Variants in NRG3 observed in about 807,000 individuals in gnomAD.
NRG3 encodes the protein neuregulin 3, also known as pro-neuregulin-3, membrane-bound isoform.
NRG3 carries 31 observed loss-of-function variants against 66.9 expected under a neutral mutation model. That is an observed-to-expected ratio of 0.46 (90% CI 0.35 to 0.63). The LOEUF (loss-of-function observed/expected upper bound fraction) is 0.63, where lower values mean the gene tolerates loss of function less well. NRG3 is among the 20% of genes least tolerant of loss of function. NRG3 has a pLI of 0.00. For synonymous variants in NRG3, 393 were observed against 359.4 expected, an observed-to-expected ratio of 1.09 and a Z score of -1.06; for missense variants, 910 against 878.9, an observed-to-expected ratio of 1.04 and a Z score of -0.45.
intron 2 of NRG3, among the ~76,000 whole-genome samples, chr10:82,490,312 A>G (rs1457003778): frequency 1.3e-5 from 2 of 152,144 alleles, no homozygotes; most frequent in African/African-American, 4.8e-5. Flanking sequence ...ATGCTCATAC[A>G]GAAGTCATCC....
At chr10:82,384,311 C>T (rs978341658) in intron 2 of NRG3, among the ~76,000 whole-genome samples, 1 of 151,816 alleles carries the variant, frequency 6.6e-6, no homozygotes, top group African/African-American at 2.4e-5. Flanking sequence ...GGTACATGTG[C>T]AGGATGTTAC....
At chr10:82,584,464 G>A (rs1006388190) in intron 2 of NRG3, among the ~76,000 whole-genome samples, 8 of 152,110 alleles carry the variant, frequency 5.3e-5, no homozygotes, top group African/African-American at 9.7e-5. Context: ...AAAAGCTAAC[G>A]CTAAATTCTT....
intron 1 of NRG3, among the ~76,000 whole-genome samples, chr10:82,294,497 TA>T (rs2079943401): frequency 6.6e-6 from 1 of 151,920 alleles, no homozygotes; most frequent in African/African-American, 2.4e-5. Context: ...CAGTTACACA[TA>T]CAGTCATATG....
intron 4 of NRG3, among the ~76,000 whole-genome samples, chr10:82,866,428 T>C (rs1840747046): frequency 6.6e-6 from 1 of 152,208 alleles, no homozygotes; most frequent in African/African-American, 2.4e-5. Flanking sequence ...GGTTGTATTG[T>C]TGGAAGTGTT....
intron 1 of NRG3, among the ~76,000 whole-genome samples, chr10:81,963,432 C>A (rs1229528828): frequency 6.6e-6 from 1 of 152,138 alleles, no homozygotes; most frequent in Admixed American, 6.5e-5. Flanking sequence ...CGCGCCCGGC[C>A]CACGAGGGCT....
At chr10:82,700,199 A>G (rs1015491984) in intron 2 of NRG3, among the ~76,000 whole-genome samples, 1 of 152,186 alleles carries the variant, frequency 6.6e-6, no homozygotes, top group African/African-American at 2.4e-5. Context: ...GGATTCATCT[A>G]GGTTACATGG....
chr10:81,980,457 A>G (rs1460430626), intron 1 of NRG3, among the ~76,000 whole-genome samples: 1 of 152,226 alleles, frequency 6.6e-6, no homozygotes, highest in Non-Finnish European at 1.5e-5. Flanking sequence ...AAAGACAATG[A>G]TTTACCAACT....
chr10:82,834,882 TA>T (rs1396614448), intron 3 of NRG3, among the ~76,000 whole-genome samples: 1 of 152,234 alleles, frequency 6.6e-6, no homozygotes, highest in Admixed American at 6.5e-5. Context: ...CTCCTCACAT[TA>T]TGAGGTAAGA....
Position 82,391,993 on chromosome 10 carries a change from C to CAAAA in NRG3, c.953+33139_953+33142dup, listed in dbSNP as rs775895969. 1.2e-3 allele frequency among the ~76,000 whole-genome samples: 48 copies of CAAAA among 38,808 alleles called. 2 individuals carry two copies. Among genetic ancestry groups the CAAAA allele is most frequent in the African/African-American group, 1.7e-3 (17 of 9,914 alleles). The allele number at this position is 38,808 out of a possible 152,430, so 25.5% of individuals were successfully genotyped here. On this transcript the variant is annotated intron_variant, in intron 2 of 8. Coordinates refer to ENST00000372141, the MANE Select transcript of NRG3 (RefSeq NM_001010848.4). The stretch of plus-strand genomic sequence containing the variant: ...AGTTGAATCCTCTTTCGAGCACATG[C>CAAAA]AAAAAAAAAAAAAAAAACAAAAAAA...
At chr10:82,463,836 G>C (rs1325793953) in intron 2 of NRG3, among the ~76,000 whole-genome samples, 1 of 152,226 alleles carries the variant, frequency 6.6e-6, no homozygotes, top group Non-Finnish European at 1.5e-5. Flanking sequence ...ATCGAAAGCA[G>C]GTGCTGTCAT....
At chr10:82,459,014 C>T (rs1428784986) in intron 2 of NRG3, among the ~76,000 whole-genome samples, 1 of 152,172 alleles carries the variant, frequency 6.6e-6, no homozygotes, top group Non-Finnish European at 1.5e-5. Flanking sequence ...ATACAGTCTG[C>T]TTGCCACACT....
Position 82,614,330 on chromosome 10 carries a change from G to T in NRG3, c.954-124247G>T, listed in dbSNP as rs1287548613. Among the ~76,000 whole-genome samples, 11 of 152,300 alleles carry T rather than the reference G, an allele frequency of 7.2e-5. 1 individual carries two copies. In the South Asian group the frequency reaches 2.3e-3, roughly 32 times the overall value. ...AGCATTTTCCAATGAGTTTGACATG[G>T]TTATGCTCTGTTCGAATTATGTTTG... On this transcript the variant is annotated intron_variant, in intron 2 of 8. Transcript: ENST00000372141.
At chr10:82,963,811 A>G (rs1292229220) in intron 6 of NRG3, among the ~76,000 whole-genome samples, 1 of 152,206 alleles carries the variant, frequency 6.6e-6, no homozygotes, top group Non-Finnish European at 1.5e-5. Context: ...ATGTCTTTAA[A>G]CAATCACCCC....
intron 1 of NRG3, among the ~76,000 whole-genome samples, chr10:82,224,046 G>C (rs1428247507): frequency 6.6e-6 from 1 of 152,154 alleles, no homozygotes; most frequent in Non-Finnish European, 1.5e-5. Flanking sequence ...CATCTATCCA[G>C]GGATGCCACC....
rs370773918 is a variant in NRG3, at chr10:82,170,654, GTATATATATATATATATATA to G, written c.824-188061_824-188042del. ...TGAGATGATGTTTATAAAACTTGTGGTATATATATATATATATATATATATATATATATATATATATATGT... is the reference window on the plus strand; with the variant it reads ...TGAGATGATGTTTATAAAACTTGTGGTATATATATATATATATATATATGT... On this transcript the variant is annotated intron_variant, in intron 1 of 8. Coordinates refer to ENST00000372141, the MANE Select transcript of NRG3 (RefSeq NM_001010848.4). Among the ~76,000 whole-genome samples, 104 of 74,206 alleles carry G rather than the reference GTATATATATATATATATATA, an allele frequency of 1.4e-3. 2 individuals are homozygous for G. The highest frequency in any genetic ancestry group is 8.7e-3 in the East Asian group (25 of 2,886). The allele number at this position is 74,206 out of a possible 152,430, so 48.7% of individuals were successfully genotyped here.
intron 4 of NRG3, among the ~76,000 whole-genome samples, chr10:82,944,735 T>C (rs1046310166): frequency 6.6e-6 from 1 of 152,050 alleles, no homozygotes; most frequent in Non-Finnish European, 1.5e-5. Flanking sequence ...CCAGCCCAAA[T>C]AAATGCATTA....
rs564218349 is a variant in NRG3, at chr10:82,723,212, T to C, written c.954-15365T>C. On this transcript the variant is annotated intron_variant, in intron 2 of 8. Coordinates refer to ENST00000372141, the MANE Select transcript of NRG3 (RefSeq NM_001010848.4). ...GGCCATTATCCTAAGCAAATTAGTATAAAAACAGAAAAACAAATATTGCAT... is the reference window on the plus strand; with the variant it reads ...GGCCATTATCCTAAGCAAATTAGTACAAAAACAGAAAAACAAATATTGCAT... Among the ~76,000 whole-genome samples the C allele has an allele frequency of 2.6e-5, 4 of 152,198 alleles. No homozygotes were observed. The South Asian group carries it at 8.3e-4, about 32-fold the overall frequency.
chr10:82,390,988 C>T (rs941656078), intron 2 of NRG3, among the ~76,000 whole-genome samples: 2 of 152,100 alleles, frequency 1.3e-5, no homozygotes, highest in African/African-American at 4.8e-5. Flanking sequence ...TTCCGGATTA[C>T]AAATGTACTT....
intron 2 of NRG3, among the ~76,000 whole-genome samples, chr10:82,361,409 A>G (rs1222953255): frequency 6.6e-6 from 1 of 152,226 alleles, no homozygotes; most frequent in Non-Finnish European, 1.5e-5. Context: ...ATCACACATC[A>G]CATGTGCCTG....
Sources: allele counts gnomAD v4.1 joint callset (sites outside exome capture counted in the v4.1 genomes callset), GRCh38; gene constraint gnomAD v4.1.1; transcripts MANE v1.5; gene names NCBI Gene and HGNC (gene_info 2026-07-23, HGNC 2026-07-21).